Variants in SWAP70 observed in about 807,000 individuals in gnomAD.
The protein encoded by SWAP70 is switching B cell complex subunit SWAP70, also known as switch-associated protein 70.
A neutral mutation model predicts 80.2 loss-of-function variants in SWAP70; 34 were observed. The observed-to-expected ratio is 0.42, with a 90% CI of 0.32 to 0.56. The LOEUF is 0.56. Ranked by LOEUF, SWAP70 falls within the 20% of genes least tolerant of loss-of-function variation. SWAP70 has a pLI of 0.09. For synonymous variants in SWAP70, 239 were observed against 238.5 expected (o/e 1.00, Z -0.02); for missense variants, 578 against 690.7 (o/e 0.84, Z 1.83).
intron 1 of SWAP70, among the ~76,000 whole-genome samples, chr11:9,676,083 G>C (rs1850497057): frequency 6.6e-6 from 1 of 152,126 alleles, no homozygotes; most frequent in South Asian, 2.1e-4. Flanking sequence ...CTAATAGTGG[G>C]GAAACAGACT....
intron 3 of SWAP70, among the ~76,000 whole-genome samples, chr11:9,715,060 A>C (rs1851049353): frequency 1.3e-5 from 2 of 148,910 alleles, no homozygotes; most frequent in East Asian, 3.9e-4. Context: ...CTGCAGCCTC[A>C]ACCTCCTGGG....
intron 3 of SWAP70, among the ~76,000 whole-genome samples, chr11:9,721,192 T>G (rs1851130758): frequency 6.6e-6 from 1 of 152,174 alleles, no homozygotes; most frequent in South Asian, 2.1e-4. Flanking sequence ...TCCCTTTTTC[T>G]TAACATTTTC....
intron 4 of SWAP70, among the ~76,000 whole-genome samples, chr11:9,725,567 A>ATT (rs1158096816): frequency 3.1e-3 from 53 of 17,300 alleles, no homozygotes; most frequent in African/African-American, 0.011. Context: ...ATATATATAT[A>ATT]TATTTTTTTT....
intron 1 of SWAP70, among the ~76,000 whole-genome samples, chr11:9,679,205 T>C (rs181457911): frequency 1.6e-4 from 24 of 152,348 alleles, no homozygotes; most frequent in Admixed American, 6.5e-4. Flanking sequence ...ACCTTTTGCT[T>C]CTTTAGGAAT....
At chr11:9,713,888 A>G (rs928907992) in intron 3 of SWAP70, among the ~76,000 whole-genome samples, 7 of 152,216 alleles carry the variant, frequency 4.6e-5, no homozygotes, top group Admixed American at 1.3e-4. Context: ...AAGTGAATCT[A>G]TCCTCACGTC....
intron 2 of SWAP70, among the ~76,000 whole-genome samples, chr11:9,706,266 A>G (rs1304447237): frequency 8.9e-5 from 7 of 78,328 alleles, no homozygotes; most frequent in Admixed American, 7.2e-4. Flanking sequence ...TGATCTGTAT[A>G]CACTGGTGAT....
At chr11:9,726,779 A>G (rs1383300093) in intron 4 of SWAP70, 6 of 420,278 alleles carry the variant, frequency 1.4e-5, no homozygotes, top group Non-Finnish European at 2.9e-5. Flanking sequence ...ATTTTGCTTA[A>G]GTAAACATTT....
chr11:9,740,218 C>G lies in SWAP70; in HGVS notation c.1226C>G (p.Ser409Cys), dbSNP rs1564834464. The G allele has an allele frequency of 1.2e-6, 2 of 1,614,148 alleles. No homozygotes were observed. The highest frequency in any genetic ancestry group is 1.7e-5 in the Admixed American group (1 of 60,020). ...ATGGAAGAACAGGTTGCTCAAAAGT[C>G]CTCTGAACTGGAACAGTATTTACAG... Reference protein sequence around the residue: ...QQMEEQVAQKSSELEQYLQRV... With the variant: ...QQMEEQVAQKCSELEQYLQRV... Residue 409 changes from serine (S) to cysteine (C), a missense_variant, in exon 9 of 12, where the codon TCC becomes TGC. Physicochemically the swap from Ser to Cys is moderately radical, Grantham distance 112 (BLOSUM62 -1). Coordinates refer to ENST00000318950, the MANE Select transcript of SWAP70 (RefSeq NM_015055.4).
intron 4 of SWAP70, among the ~76,000 whole-genome samples, chr11:9,727,128 C>T (rs929718497): frequency 2.6e-5 from 4 of 152,122 alleles, no homozygotes; most frequent in Middle Eastern, 3.2e-3. Context: ...TGGTGGCTCA[C>T]GCCTATAATC....
At chr11:9,741,305 A>T (rs977571183) in intron 9 of SWAP70, 3 of 152,184 alleles carry the variant, frequency 2.0e-5, no homozygotes, top group Admixed American at 6.5e-5. Flanking sequence ...TTAAATTTAA[A>T]TTTTTTTAAG....
intron 3 of SWAP70, among the ~76,000 whole-genome samples, chr11:9,715,354 C>T (rs1383555771): frequency 6.6e-6 from 1 of 152,034 alleles, no homozygotes; most frequent in Non-Finnish European, 1.5e-5. Flanking sequence ...GGTGTGGAGG[C>T]TATGCAATTT....
intron 1 of SWAP70, among the ~76,000 whole-genome samples, chr11:9,685,409 A>G (rs1420597005): frequency 6.6e-6 from 1 of 152,116 alleles, no homozygotes; most frequent in Admixed American, 6.5e-5. Flanking sequence ...TTTATTTATC[A>G]CAGTTCTGGA....
At chr11:9,725,865 C>A (rs907078166) in intron 4 of SWAP70, among the ~76,000 whole-genome samples, 1 of 94,228 alleles carries the variant, frequency 1.1e-5, no homozygotes, top group African/African-American at 3.9e-5. Flanking sequence ...CCGCCGCGCC[C>A]AGGCCATTTC....
At chr11:9,726,665 A>G (rs946142103) in intron 4 of SWAP70, among the ~76,000 whole-genome samples, 3 of 152,268 alleles carry the variant, frequency 2.0e-5, no homozygotes, top group Admixed American at 1.3e-4. Context: ...ATATTTAATG[A>G]TATGTATATT....
chr11:9,727,923 CAAG>C, intron 4 of SWAP70, 127 bp from the exon 5 acceptor site: 1 of 938,976 alleles, frequency 1.1e-6, no homozygotes. Flanking sequence ...TCAGAGGATC[CAAG>C]AACAATTGGT....
chr11:9,726,913 G>A (rs566234750), intron 4 of SWAP70: 3 of 456,106 alleles, frequency 6.6e-6, no homozygotes, highest in Non-Finnish European at 1.3e-5. Flanking sequence ...GTTGGTCTGG[G>A]GCAGAGTTCC....
At position 9,752,541 on chromosome 11, in the gene SWAP70, C is replaced by G. The variant is rs1467763163; in HGVS notation, c.*2571C>G. The G allele has an allele frequency of 6.6e-6, 1 of 152,220 alleles. No homozygotes were observed. Among genetic ancestry groups the G allele is most frequent in the Non-Finnish European group, 1.5e-5 (1 of 68,038 alleles). The allele number at this position is 152,220 out of a possible 1,614,324, so 9.4% of individuals were successfully genotyped here. ...AGATACTTGTGAATCAAAGATAGCA[C>G]AGAAATGAACTAAGTATATCCCATT... On this transcript the variant is annotated 3_prime_UTR_variant, in exon 12 of 12. Coordinates refer to ENST00000318950, the MANE Select transcript of SWAP70 (RefSeq NM_015055.4).
At chr11:9,728,004 T>A in intron 4 of SWAP70, 49 bp from the exon 5 acceptor site, 1 of 1,238,988 alleles carries the variant, frequency 8.1e-7, no homozygotes. Flanking sequence ...AGATGTCAGC[T>A]CTTACAAATA....
intron 8 of SWAP70, among the ~76,000 whole-genome samples, chr11:9,739,844 A>G (rs1048592452): frequency 3.9e-5 from 6 of 152,220 alleles, no homozygotes; most frequent in African/African-American, 1.2e-4. Context: ...TGGTAAAAAG[A>G]TTGTGACTTT....
Sources: allele counts gnomAD v4.1 joint callset (sites outside exome capture counted in the v4.1 genomes callset), GRCh38; gene constraint gnomAD v4.1.1; transcripts MANE v1.5; gene names NCBI Gene and HGNC (gene_info 2026-07-23, HGNC 2026-07-21).